CADPS: variants seen among roughly 807,000 people sequenced by gnomAD.
CADPS encodes calcium-dependent secretion activator 1.
A neutral mutation model predicts 167.3 loss-of-function variants in CADPS; 57 were observed. The ratio of observed to expected loss-of-function variants is 0.34; its 90% CI spans 0.28 to 0.42. The LOEUF (loss-of-function observed/expected upper bound fraction) is 0.42. Among genes scored for constraint, CADPS ranks in the 20% least tolerant of loss-of-function variants. The pLI, the probability that CADPS is intolerant of heterozygous loss-of-function variation, is 1.00. For synonymous variants in CADPS, 676 were observed against 635.3 expected, an observed-to-expected ratio of 1.06 and a Z score of -0.96; for missense variants, 1,414 against 1,738.1, an observed-to-expected ratio of 0.81 and a Z score of 3.32.
chr3:62,543,432 A>T (rs773249116), intron 11 of CADPS, among the ~76,000 whole-genome samples: 3 of 152,170 alleles, frequency 2.0e-5, no homozygotes, highest in Non-Finnish European at 4.4e-5. Flanking sequence ...TTAACTATTC[A>T]TCCATCCTTT....
At chr3:62,450,708 G>A (rs565378264) in intron 26 of CADPS, among the ~76,000 whole-genome samples, 28 of 152,322 alleles carry the variant, frequency 1.8e-4, no homozygotes, top group Middle Eastern at 3.4e-3. Flanking sequence ...GGGAAGAGCC[G>A]CTGTCAGTGA....
intron 8 of CADPS, among the ~76,000 whole-genome samples, chr3:62,579,085 A>G (rs1392389481): frequency 6.6e-6 from 1 of 152,222 alleles, no homozygotes; most frequent in African/African-American, 2.4e-5. Flanking sequence ...TGTTAAATAT[A>G]AAAGGAAAAT....
intron 28 of CADPS, among the ~76,000 whole-genome samples, chr3:62,422,458 CT>C (rs1343937958): frequency 6.6e-6 from 1 of 152,160 alleles, no homozygotes; most frequent in East Asian, 1.9e-4. Context: ...AAACAACTCC[CT>C]TTTTTTCTTT....
intron 3 of CADPS, among the ~76,000 whole-genome samples, chr3:62,746,125 C>T (rs1468309675): frequency 1.3e-5 from 2 of 152,158 alleles, no homozygotes; most frequent in Non-Finnish European, 2.9e-5. Flanking sequence ...GGATGCCTCC[C>T]ACAGTGAGTT....
intron 6 of CADPS, among the ~76,000 whole-genome samples, chr3:62,643,706 G>C (rs2150024383): frequency 6.6e-6 from 1 of 152,342 alleles, no homozygotes; most frequent in South Asian, 2.1e-4. Context: ...TGAAACAACA[G>C]TCTGTTAGAA....
At chr3:62,743,838 C>T (rs2080859051) in intron 3 of CADPS, among the ~76,000 whole-genome samples, 1 of 152,120 alleles carries the variant, frequency 6.6e-6, no homozygotes, top group Non-Finnish European at 1.5e-5. Flanking sequence ...TTCTTTTCCT[C>T]CAACAAATTT....
chr3:62,842,758 G>A (rs2076826136), intron 1 of CADPS, among the ~76,000 whole-genome samples: 1 of 152,110 alleles, frequency 6.6e-6, no homozygotes, highest in African/African-American at 2.4e-5. Context: ...TATGACCCAT[G>A]CCCTCTGATT....
chr3:62,804,545 T>G (rs560197734), intron 1 of CADPS, among the ~76,000 whole-genome samples: 1 of 152,142 alleles, frequency 6.6e-6, no homozygotes, highest in Non-Finnish European at 1.5e-5. Context: ...ATGAATTTAT[T>G]TTTGGCTTGT....
intron 6 of CADPS, chr3:62,626,645 G>A: frequency 1.5e-6 from 1 of 688,948 alleles, no homozygotes; most frequent in Non-Finnish European, 2.6e-6. Flanking sequence ...TACAAAGAAG[G>A]CAATTTTGTT....
At chr3:62,402,928 T>A (rs1290817571) in intron 29 of CADPS, among the ~76,000 whole-genome samples, 153 bp downstream of exon 29, 2 of 152,260 alleles carry the variant, frequency 1.3e-5, no homozygotes, top group Non-Finnish European at 2.9e-5. Context: ...ACATTTATCA[T>A]GCATCACAAA....
chr3:62,674,158 C>T (rs2075992516), intron 3 of CADPS, among the ~76,000 whole-genome samples: 1 of 152,044 alleles, frequency 6.6e-6, no homozygotes, highest in African/African-American at 2.4e-5. Context: ...TATATATGTG[C>T]ACGTGTGTAA....
chr3:62,532,740 T>C, intron 13 of CADPS, 131 bp downstream of exon 13: 2 of 654,440 alleles, frequency 3.1e-6, no homozygotes, highest in Non-Finnish European at 5.3e-6. Flanking sequence ...TGTGTGTGTG[T>C]GTGTGTGTGT....
intron 3 of CADPS, among the ~76,000 whole-genome samples, chr3:62,721,498 C>T (rs563421944): frequency 2.6e-5 from 4 of 152,164 alleles, no homozygotes; most frequent in South Asian, 4.1e-4. Flanking sequence ...TGGAGACCAC[C>T]GTATCACCGC....
chr3:62,492,070 A>C (rs1228209407), intron 20 of CADPS, among the ~76,000 whole-genome samples: 2 of 152,178 alleles, frequency 1.3e-5, no homozygotes, highest in African/African-American at 4.8e-5. Context: ...CTCTCAGGTT[A>C]TTCTGTCTAG....
chr3:62,692,973 T>C (rs1177189314), intron 3 of CADPS, among the ~76,000 whole-genome samples: 1 of 151,972 alleles, frequency 6.6e-6, no homozygotes, highest in African/African-American at 2.4e-5. Context: ...TAATATCACC[T>C]CTCATCTTGA....
At chr3:62,794,512 G>A (rs2093225932) in intron 1 of CADPS, among the ~76,000 whole-genome samples, 2 of 152,082 alleles carry the variant, frequency 1.3e-5, no homozygotes, top group South Asian at 2.1e-4. Flanking sequence ...GAACTCAGGA[G>A]GCCAGACTCC....
chr3:62,578,798 A>G (rs2082831295), intron 8 of CADPS, among the ~76,000 whole-genome samples: 1 of 152,118 alleles, frequency 6.6e-6, no homozygotes, highest in Non-Finnish European at 1.5e-5. Flanking sequence ...TTTGAACAAC[A>G]CTATAAACTG....
At chr3:62,453,623 C>T (rs1030445394) in intron 26 of CADPS, among the ~76,000 whole-genome samples, 2 of 152,146 alleles carry the variant, frequency 1.3e-5, no homozygotes, top group African/African-American at 2.4e-5. Context: ...TGTGAGTGGG[C>T]GGATGTACTG....
intron 16 of CADPS, chr3:62,513,626 G>A: frequency 6.6e-7 from 1 of 1,520,460 alleles, no homozygotes; most frequent in Non-Finnish European, 9.1e-7. Flanking sequence ...TGAGGAGGTG[G>A]TAGGTACTCA....
Sources: allele counts gnomAD v4.1 joint callset (sites outside exome capture counted in the v4.1 genomes callset), GRCh38; gene constraint gnomAD v4.1.1; transcripts MANE v1.5; gene names NCBI Gene and HGNC (gene_info 2026-07-23, HGNC 2026-07-21).